The following CGNL1 variants were observed in gnomAD, a reference collection of about 807,000 sequenced individuals.
CGNL1 encodes the protein cingulin like 1, also known as cingulin-like protein 1.
Under a neutral mutation model 141.2 loss-of-function variants are expected in CGNL1, and 132 were observed. The ratio of observed to expected loss-of-function variants is 0.93; its 90% CI spans 0.81 to 1.08. The LOEUF is 1.08. CGNL1 is among the 50% of genes least tolerant of loss of function. The probability of loss-of-function intolerance (pLI) is 0.00; values close to 1 mark genes in which losing one functional copy is unlikely to be tolerated. For synonymous variants in CGNL1, 690 were observed against 622.1 expected, an observed-to-expected ratio of 1.11 and a Z score of -1.63; for missense variants, 1,870 against 1,588.6, an observed-to-expected ratio of 1.18 and a Z score of -3.01.
rs183521609 is a variant in CGNL1, at chr15:57,501,571, G to T, written c.2404-15209G>T. On this transcript the variant is annotated intron_variant, in intron 8 of 18. Coordinates refer to ENST00000281282, the MANE Select transcript of CGNL1 (RefSeq NM_032866.5). Reference sequence around the variant, plus strand: ...GGATGGGCTGAGAGGTGGAGACGGGGTGTTGGCCATAGAGGGAGAGAAGAA... The same window carrying T: ...GGATGGGCTGAGAGGTGGAGACGGGTTGTTGGCCATAGAGGGAGAGAAGAA... 4.7e-3 allele frequency among the ~76,000 whole-genome samples: 709 copies of T among 152,338 alleles called. 5 individuals carry two copies. The highest frequency in any genetic ancestry group is 0.016 in the African/African-American group (663 of 41,586).
At chr15:57,493,239 G>A (rs2063890980) in intron 8 of CGNL1, among the ~76,000 whole-genome samples, 1 of 152,164 alleles carries the variant, frequency 6.6e-6, no homozygotes, top group Non-Finnish European at 1.5e-5. Flanking sequence ...AGTAAGAGCT[G>A]AAGAAGATGA....
intron 1 of CGNL1, among the ~76,000 whole-genome samples, chr15:57,413,236 T>TCCCTCCCC (rs2062812555): frequency 8.6e-6 from 1 of 116,018 alleles, no homozygotes; most frequent in Non-Finnish European, 1.8e-5. Context: ...CCTCCCTCCC[T>TCCCTCCCC]CCCTCCCTTC....
In CGNL1 at chr15:57,438,026, A is replaced by C. The variant is rs1202757800; in HGVS notation, c.27A>C (p.Gln9His). 6.2e-7 allele frequency: 1 copy of C among 1,613,096 alleles called. No individual in the cohort carries two copies. Among genetic ancestry groups the C allele is most frequent in the Admixed American group, 1.7e-5 (1 of 59,982 alleles). MELYFGEYQHVQQEYGVHL... is the reference protein window; with the variant it reads MELYFGEYHHVQQEYGVHL... ...TGGAGCTGTATTTCGGTGAATATCAACATGTGCAGCAGGAATATGGGGTCC... is the reference window on the plus strand; with the variant it reads ...TGGAGCTGTATTTCGGTGAATATCACCATGTGCAGCAGGAATATGGGGTCC... Residue 9 changes from glutamine (Q) to histidine (H), a missense_variant, in exon 2 of 19, where the codon CAA (glutamine) becomes CAC (histidine). Gln to His is a conservative substitution (Grantham distance 24, BLOSUM62 0). Transcript: ENST00000281282.
intron 1 of CGNL1, among the ~76,000 whole-genome samples, chr15:57,435,720 G>A (rs1390234890): frequency 2.6e-5 from 4 of 152,074 alleles, no homozygotes; most frequent in African/African-American, 7.2e-5. Flanking sequence ...GTAGGAAACT[G>A]AATATATTCA....
chr15:57,467,082 C>G (rs2063519264), intron 8 of CGNL1, among the ~76,000 whole-genome samples: 1 of 152,144 alleles, frequency 6.6e-6, no homozygotes, highest in African/African-American at 2.4e-5. Context: ...AATACAGCAC[C>G]TTACAAACTG....
chr15:57,453,534 G>T, intron 6 of CGNL1, 149 bp from the exon 7 acceptor site: 1 of 904,492 alleles, frequency 1.1e-6, no homozygotes, highest in Non-Finnish European at 1.6e-6. Flanking sequence ...TTTTCAGGTT[G>T]GTGATCCCTT....
chr15:57,537,948 G>A (rs1170895311), intron 14 of CGNL1, among the ~76,000 whole-genome samples: 1 of 152,246 alleles, frequency 6.6e-6, no homozygotes, highest in African/African-American at 2.4e-5. Context: ...CCAGCCTTGA[G>A]TTTACTCTTC....
intron 8 of CGNL1, chr15:57,477,456 C>T (rs1317196891): frequency 6.6e-6 from 1 of 152,140 alleles, no homozygotes; most frequent in Admixed American, 6.5e-5. Flanking sequence ...GGAAAATAGG[C>T]AGTGAGGTTG....
intron 9 of CGNL1, 85 bp from the exon 10 acceptor site, chr15:57,518,308 C>G: frequency 1.0e-6 from 1 of 994,466 alleles, no homozygotes; most frequent in Non-Finnish European, 1.6e-6. Flanking sequence ...CTATGGGTGT[C>G]TTCGGTGTTC....
At chr15:57,455,769 C>G (rs1595722665) in intron 7 of CGNL1, among the ~76,000 whole-genome samples, 2 of 152,262 alleles carry the variant, frequency 1.3e-5, no homozygotes, top group East Asian at 3.9e-4. Flanking sequence ...ATTAACTGAA[C>G]ATCATTAGTT....
chr15:57,438,126 A>C lies in CGNL1; in HGVS notation c.127A>C (p.Ser43Arg), dbSNP rs1415081466. The C allele has an allele frequency of 1.2e-6, 2 of 1,614,228 alleles. No homozygotes were observed. The highest frequency in any genetic ancestry group is 1.7e-6 in the Non-Finnish European group (2 of 1,180,046). ...CTCCAAGGCAGGCTCCTACGGTGTCAGTATTCGGGTCCAGGGAATTGATGG... is the reference window on the plus strand; with the variant it reads ...CTCCAAGGCAGGCTCCTACGGTGTCCGTATTCGGGTCCAGGGAATTGATGG... ...QNSKAGSYGV[S>R]IRVQGIDGHP... Residue 43 changes from serine to arginine, a missense_variant, in exon 2 of 19, where the codon AGT becomes CGT. Transcript: ENST00000281282.
chr15:57,448,439 G>C (rs550215439), intron 4 of CGNL1, among the ~76,000 whole-genome samples: 3 of 152,020 alleles, frequency 2.0e-5, no homozygotes, highest in Non-Finnish European at 4.4e-5. Flanking sequence ...ACCTGAGATC[G>C]GGAGTTCCAG....
intron 18 of CGNL1, among the ~76,000 whole-genome samples, chr15:57,546,862 C>A (rs2140262172): frequency 6.6e-6 from 1 of 152,178 alleles, no homozygotes. Context: ...TGCTGGCTGC[C>A]CGGGTAGTTC....
Position 57,524,658 on chromosome 15 carries a change from C to A in CGNL1, c.2946C>A (p.Asn982Lys). The A allele has an allele frequency of 6.2e-7, 1 of 1,614,210 alleles. No individual in the cohort carries two copies. Among genetic ancestry groups the A allele is most frequent in the Non-Finnish European group, 8.5e-7 (1 of 1,180,046 alleles). ...AGCTGGATGAGTATAAGGAGAAAAA[C>A]CGCAGGGAGCTCGCAGAAATGCAAA... is the stretch of plus-strand genomic sequence containing the variant. The part of the protein sequence containing the change: ...QNQLDEYKEK[N>K]RRELAEMQRQ... Residue 982 changes from asparagine to lysine, a missense_variant, in exon 12 of 19, where the codon AAC (asparagine) becomes AAA (lysine). Physicochemically the swap from Asn to Lys is moderately conservative, Grantham distance 94 (BLOSUM62 0). Coordinates refer to ENST00000281282, the MANE Select transcript of CGNL1 (RefSeq NM_032866.5).
chr15:57,448,254 G>A (rs1337878289), intron 4 of CGNL1, among the ~76,000 whole-genome samples: 2 of 152,082 alleles, frequency 1.3e-5, no homozygotes, highest in African/African-American at 4.8e-5. Flanking sequence ...AGATTACAGT[G>A]AGCTGTGATC....
intron 4 of CGNL1, among the ~76,000 whole-genome samples, chr15:57,444,496 A>G (rs372587940): frequency 6.6e-6 from 1 of 152,168 alleles, no homozygotes. Flanking sequence ...CTCGTAAATT[A>G]TACCTGTTTG....
At chr15:57,473,431 C>T (rs1223827792) in intron 8 of CGNL1, among the ~76,000 whole-genome samples, 1 of 152,198 alleles carries the variant, frequency 6.6e-6, no homozygotes, top group Non-Finnish European at 1.5e-5. Flanking sequence ...GGAATACCTA[C>T]AGTGGCAAAG....
At chr15:57,469,731 C>T (rs1595737538) in intron 8 of CGNL1, among the ~76,000 whole-genome samples, 1 of 152,318 alleles carries the variant, frequency 6.6e-6, no homozygotes, top group Middle Eastern at 3.4e-3. Context: ...CACCACCCTC[C>T]AATTTTGGCT....
At chr15:57,421,927 T>C (rs1247842761) in intron 1 of CGNL1, among the ~76,000 whole-genome samples, 2 of 152,128 alleles carry the variant, frequency 1.3e-5, no homozygotes, top group African/African-American at 4.8e-5. Flanking sequence ...GGATGCTGAT[T>C]GTGAGTTTTT....
Sources: allele counts gnomAD v4.1 joint callset (sites outside exome capture counted in the v4.1 genomes callset), GRCh38; gene constraint gnomAD v4.1.1; transcripts MANE v1.5; gene names NCBI Gene and HGNC (gene_info 2026-07-23, HGNC 2026-07-21).